Variants in SLC25A26 observed in about 807,000 individuals in gnomAD.
SLC25A26 encodes mitochondrial S-adenosylmethionine carrier protein.
SLC25A26 carries 36 observed loss-of-function variants against 37.8 expected under a neutral mutation model. The ratio of observed to expected loss-of-function variants is 0.95; its 90% CI spans 0.73 to 1.26. SLC25A26 has a LOEUF of 1.26. SLC25A26 is among the 50% of genes most tolerant of loss of function. The pLI, the probability that SLC25A26 is intolerant of heterozygous loss-of-function variation, is 0.00. For synonymous variants in SLC25A26, 129 were observed against 122.5 expected (o/e 1.05, Z -0.35); for missense variants, 390 against 331.1 (o/e 1.18, Z -1.38).
At chr3:66,272,824 A>G (rs1011981879) in intron 5 of SLC25A26, among the ~76,000 whole-genome samples, 1 of 152,050 alleles carries the variant, frequency 6.6e-6, no homozygotes, top group African/African-American at 2.4e-5. Context: ...AACTTCCAAC[A>G]CTGTGTTGAA....
At chr3:66,360,679 A>G (rs2076677747) in intron 6 of SLC25A26, among the ~76,000 whole-genome samples, 1 of 152,228 alleles carries the variant, frequency 6.6e-6, no homozygotes, top group Non-Finnish European at 1.5e-5. Context: ...CATGTGAACT[A>G]CTTAAGGATA....
chr3:66,298,021 T>G (rs2074960538), intron 5 of SLC25A26, among the ~76,000 whole-genome samples: 1 of 152,208 alleles, frequency 6.6e-6, no homozygotes, highest in African/African-American at 2.4e-5. Flanking sequence ...GTACAGTCCC[T>G]CCACGAATAG....
At chr3:66,175,140 T>TATATATATATATACACACAC (rs1413714739) in intron 1 of SLC25A26, among the ~76,000 whole-genome samples, 1 of 67,010 alleles carries the variant, frequency 1.5e-5, no homozygotes, top group African/African-American at 6.4e-5. Flanking sequence ...TATATATATA[T>TATATATATATATACACACAC]ACACACACAC....
chr3:66,221,546 C>A (rs2071496856), intron 1 of SLC25A26, among the ~76,000 whole-genome samples: 1 of 152,050 alleles, frequency 6.6e-6, no homozygotes, highest in Non-Finnish European at 1.5e-5. Flanking sequence ...TCTCATTTTG[C>A]TGCATCTCTT....
intron 1 of SLC25A26, among the ~76,000 whole-genome samples, chr3:66,224,956 C>T (rs568087388): frequency 3.9e-5 from 6 of 152,310 alleles, no homozygotes; most frequent in Non-Finnish European, 5.9e-5. Context: ...ATCCAGGTCA[C>T]GCTGCTGTAA....
intron 5 of SLC25A26, among the ~76,000 whole-genome samples, chr3:66,264,047 AG>A (rs1315372627): frequency 2.6e-5 from 4 of 152,156 alleles, no homozygotes; most frequent in Admixed American, 2.6e-4. Context: ...TGGGAGGCCG[AG>A]GCAGAAAGAT....
intron 1 of SLC25A26, among the ~76,000 whole-genome samples, chr3:66,156,770 C>G (rs568155152): frequency 1.2e-4 from 19 of 152,200 alleles, no homozygotes; most frequent in Non-Finnish European, 2.4e-4. Flanking sequence ...CCACCTGCCT[C>G]TGATTGGGCT....
At chr3:66,374,813 A>C (rs988302556) in intron 9 of SLC25A26, among the ~76,000 whole-genome samples, 8 of 152,236 alleles carry the variant, frequency 5.3e-5, no homozygotes, top group African/African-American at 1.9e-4. Flanking sequence ...CTCAGCAGGT[A>C]GAGGTTGCTG....
At chr3:66,159,776 C>A (rs1337079435) in intron 1 of SLC25A26, among the ~76,000 whole-genome samples, 2 of 152,098 alleles carry the variant, frequency 1.3e-5, no homozygotes, top group East Asian at 3.9e-4. Flanking sequence ...CCTATAGTAA[C>A]TTTTGGTGCA....
At chr3:66,261,023 C>T (rs569313747) in intron 3 of SLC25A26, among the ~76,000 whole-genome samples, 2 of 152,150 alleles carry the variant, frequency 1.3e-5, no homozygotes, top group Non-Finnish European at 2.9e-5. Flanking sequence ...AAAGGGCAAA[C>T]CTCTTTGAGT....
intron 5 of SLC25A26, among the ~76,000 whole-genome samples, chr3:66,312,667 A>G (rs569517871): frequency 1.3e-4 from 20 of 152,236 alleles, no homozygotes; most frequent in South Asian, 8.3e-4. Context: ...GTGGGTTGCG[A>G]AGACTGTGGG....
intron 9 of SLC25A26, chr3:66,371,081 T>C (rs1700321567): frequency 7.3e-7 from 1 of 1,374,714 alleles, no homozygotes; most frequent in Non-Finnish European, 9.4e-7. Flanking sequence ...CTCAGACTTC[T>C]AGCTTCATGT....
chr3:66,342,343 CT>C (rs1474720642), intron 5 of SLC25A26, among the ~76,000 whole-genome samples: 1 of 152,116 alleles, frequency 6.6e-6, no homozygotes, highest in Non-Finnish European at 1.5e-5. Context: ...GGTCCTTAGG[CT>C]TCCTAGATCA....
chr3:66,184,267 C>G (rs1434540858), intron 1 of SLC25A26, among the ~76,000 whole-genome samples: 2 of 152,048 alleles, frequency 1.3e-5, no homozygotes, highest in African/African-American at 4.8e-5. Flanking sequence ...ATAACTCTGA[C>G]CCTTGGACTT....
At chr3:66,251,039 A>G (rs978825034) in intron 3 of SLC25A26, among the ~76,000 whole-genome samples, 1 of 152,000 alleles carries the variant, frequency 6.6e-6, no homozygotes, top group East Asian at 1.9e-4. Context: ...TTAGAATAGG[A>G]TGGTTTGTTA....
chr3:66,153,571 C>A (rs940214877), intron 1 of SLC25A26, among the ~76,000 whole-genome samples: 1 of 152,234 alleles, frequency 6.6e-6, no homozygotes, highest in Non-Finnish European at 1.5e-5. Flanking sequence ...TTGAGAAACA[C>A]AACCGCAGAA....
At chr3:66,202,384 G>A (rs925402263) in intron 1 of SLC25A26, among the ~76,000 whole-genome samples, 2,396 of 152,006 alleles carry the variant, frequency 0.016, 67 homozygotes, top group African/African-American at 0.054. Flanking sequence ...GCAAGGGGAC[G>A]GATAGCATTA....
chr3:66,293,597 G>A lies in SLC25A26; in HGVS notation c.453+30218G>A, dbSNP rs898736651. ...CTTATTCCCCTCCGTGGATCTATGT[G>A]TTCTCATCATTTAGCTCGCAATTAT... On this transcript the variant is annotated intron_variant, in intron 5 of 9. Coordinates refer to ENST00000354883, the MANE Select transcript of SLC25A26 (RefSeq NM_001379210.1). 2.0e-5 allele frequency among the ~76,000 whole-genome samples: 3 copies of A among 150,954 alleles called. No individual in the cohort carries two copies. In the East Asian group the frequency reaches 5.8e-4, roughly 29 times the overall value.
intron 9 of SLC25A26, among the ~76,000 whole-genome samples, chr3:66,376,551 G>A (rs1022274043): frequency 6.6e-6 from 1 of 152,178 alleles, no homozygotes; most frequent in African/African-American, 2.4e-5. Flanking sequence ...TAGCAATAAA[G>A]CATTTTAAAA....
Sources: allele counts gnomAD v4.1 joint callset (sites outside exome capture counted in the v4.1 genomes callset), GRCh38; gene constraint gnomAD v4.1.1; transcripts MANE v1.5; gene names NCBI Gene and HGNC (gene_info 2026-07-23, HGNC 2026-07-21).